MARCHF1: variants seen among roughly 807,000 people sequenced by gnomAD.
The protein encoded by MARCHF1 is membrane associated ring-CH-type finger 1.
A neutral mutation model predicts 54.2 loss-of-function variants in MARCHF1; 40 were observed. That is an observed-to-expected ratio of 0.74 (90% CI 0.57 to 0.96). The LOEUF is 0.96. Ranked by LOEUF, MARCHF1 falls within the 40% of genes least tolerant of loss-of-function variation. The probability of loss-of-function intolerance (pLI) is 0.00; values close to 1 mark genes in which losing one functional copy is unlikely to be tolerated. For missense variants in MARCHF1, 586 were observed against 656.5 expected, an observed-to-expected ratio of 0.89 and a Z score of 1.17; for synonymous variants, 236 against 236.3, an observed-to-expected ratio of 1.00 and a Z score of 0.01.
At chr4:163,742,430 CCTTTTCTTT>C (rs1200324474) in intron 4 of MARCHF1, among the ~76,000 whole-genome samples, 2 of 130,368 alleles carry the variant, frequency 1.5e-5, no homozygotes, top group African/African-American at 5.7e-5. Flanking sequence ...TTCCTTCCTT[CCTTTTCTTT>C]CTTTTCTCTT....
At chr4:164,187,677 T>C (rs779869663) in intron 1 of MARCHF1, among the ~76,000 whole-genome samples, 5 of 152,194 alleles carry the variant, frequency 3.3e-5, no homozygotes, top group Non-Finnish European at 7.3e-5. Context: ...GCTTGAGCAC[T>C]TGACAACACG....
At chr4:163,826,757 A>G (rs1224639870) in intron 4 of MARCHF1, among the ~76,000 whole-genome samples, 1 of 152,086 alleles carries the variant, frequency 6.6e-6, no homozygotes, top group East Asian at 1.9e-4. Flanking sequence ...TTGAAAGGGT[A>G]GAAGGTGACT....
intron 1 of MARCHF1, among the ~76,000 whole-genome samples, chr4:164,313,648 A>C (rs1734925625): frequency 2.6e-5 from 4 of 152,148 alleles, no homozygotes; most frequent in Admixed American, 2.6e-4. Flanking sequence ...AGTTTTAAAT[A>C]GTTACTAAAG....
intron 3 of MARCHF1, among the ~76,000 whole-genome samples, chr4:163,916,574 AT>A (rs1419791226): frequency 1.1e-4 from 17 of 152,090 alleles, no homozygotes; most frequent in Non-Finnish European, 1.8e-4. Context: ...AGTCACTGAA[AT>A]TATCTTCCTA....
Position 163,764,234 on chromosome 4 carries a change from C to T in MARCHF1, c.112-63371G>A, listed in dbSNP as rs149285139. ...TCAGTAACTTACAAATTTTGAAGAA[C>T]GAAGGAAAAAGAGGAAATTAGTATG... On this transcript the variant is annotated intron_variant, in intron 4 of 9. Coordinates refer to ENST00000514618, the MANE Select transcript of MARCHF1 (RefSeq NM_001394959.1). Among the ~76,000 whole-genome samples the T allele has an allele frequency of 1.4e-3, 205 of 151,740 alleles. 2 individuals carry two copies. The highest frequency in any genetic ancestry group is 0.011 in the Admixed American group (169 of 15,248).
chr4:163,786,070 C>A (rs192525645), intron 4 of MARCHF1, among the ~76,000 whole-genome samples: 1 of 151,924 alleles, frequency 6.6e-6, no homozygotes, highest in Admixed American at 6.6e-5. Context: ...TGAAAAAGGC[C>A]GGGAAATGAG....
At chr4:163,873,088 CAAAA>C (rs11445016) in intron 3 of MARCHF1, among the ~76,000 whole-genome samples, 1 of 150,532 alleles carries the variant, frequency 6.6e-6, no homozygotes, top group Non-Finnish European at 1.5e-5. Context: ...AACAAACAAA[CAAAA>C]AAAATGATGA....
intron 1 of MARCHF1, among the ~76,000 whole-genome samples, chr4:164,141,945 C>CACA (rs1756548971): frequency 6.6e-6 from 1 of 152,012 alleles, no homozygotes; most frequent in African/African-American, 2.4e-5. Flanking sequence ...AGACAGTGGG[C>CACA]GCAGGTCAGT....
At chr4:164,254,279 G>A (rs1004909286) in intron 1 of MARCHF1, among the ~76,000 whole-genome samples, 81 of 150,412 alleles carry the variant, frequency 5.4e-4, no homozygotes, top group African/African-American at 1.3e-3. Flanking sequence ...CTCTGTATTC[G>A]TCAGGTTTCT....
intron 5 of MARCHF1, among the ~76,000 whole-genome samples, chr4:163,617,554 GTTTT>G (rs372245338): frequency 1.3e-4 from 20 of 151,872 alleles, no homozygotes; most frequent in Non-Finnish European, 2.4e-4. Flanking sequence ...CTTCATTCAA[GTTTT>G]TTTAAGATCA....
At chr4:163,818,968 C>T (rs536737099) in intron 4 of MARCHF1, among the ~76,000 whole-genome samples, 8 of 152,090 alleles carry the variant, frequency 5.3e-5, no homozygotes, top group Non-Finnish European at 8.8e-5. Context: ...ACCAGGCTCA[C>T]GGTCTTCTTT....
At chr4:163,587,014 G>A (rs748921796) in intron 7 of MARCHF1, among the ~76,000 whole-genome samples, 66 of 152,124 alleles carry the variant, frequency 4.3e-4, no homozygotes, top group Non-Finnish European at 8.1e-4. Context: ...TAAAATTTGA[G>A]TACAGAAAAT....
At chr4:164,007,313 T>C (rs1462662910) in intron 2 of MARCHF1, among the ~76,000 whole-genome samples, 6 of 122,804 alleles carry the variant, frequency 4.9e-5, no homozygotes, top group Non-Finnish European at 7.8e-5. Flanking sequence ...GCTACTGCAC[T>C]CCAGCCTGGG....
intron 2 of MARCHF1, among the ~76,000 whole-genome samples, chr4:164,058,734 C>A (rs1376040235): frequency 2.0e-5 from 3 of 152,022 alleles, no homozygotes; most frequent in African/African-American, 7.3e-5. Flanking sequence ...AAATTGACAA[C>A]TTTCATGAGG....
chr4:164,005,462 T>C (rs578131110), intron 2 of MARCHF1, among the ~76,000 whole-genome samples: 1 of 152,114 alleles, frequency 6.6e-6, no homozygotes, highest in Non-Finnish European at 1.5e-5. Flanking sequence ...GGTAGGATAG[T>C]TGGACTTCCA....
intron 5 of MARCHF1, among the ~76,000 whole-genome samples, chr4:163,681,788 G>A (rs1220262994): frequency 6.6e-6 from 1 of 152,168 alleles, no homozygotes; most frequent in Non-Finnish European, 1.5e-5. Context: ...CTTCTTCATA[G>A]CAGTGTGAGA....
intron 1 of MARCHF1, among the ~76,000 whole-genome samples, chr4:164,340,405 T>TTTTATATC (rs1327005165): frequency 1.0e-5 from 1 of 95,650 alleles, no homozygotes; most frequent in Non-Finnish European, 2.2e-5. Flanking sequence ...AGGCCTTGAT[T>TTTTATATC]TATATATAGA....
Position 164,078,294 on chromosome 4 carries a change from C to T in MARCHF1, c.-248+33294G>A, listed in dbSNP as rs141491205. ...AACACAAGAACAGAAAACCAAACAC[C>T]GCATGTTCTCACTCATAAATGGGAG... is the stretch of plus-strand genomic sequence containing the variant. On this transcript the variant is annotated intron_variant, in intron 2 of 9. Transcript: ENST00000514618. 7.3e-3 allele frequency among the ~76,000 whole-genome samples: 1,112 copies of T among 152,112 alleles called. 4 individuals are homozygous for T. The highest frequency in any genetic ancestry group is 0.011 in the Non-Finnish European group (763 of 67,990).
intron 1 of MARCHF1, among the ~76,000 whole-genome samples, chr4:164,294,216 T>G (rs186611791): frequency 7.2e-5 from 11 of 152,360 alleles, no homozygotes; most frequent in African/African-American, 2.4e-4. Flanking sequence ...TTTGAGGTTT[T>G]GGGACTCGGA....
Sources: gnomAD v4.1 joint callset for allele counts (sites outside exome capture counted in the v4.1 genomes callset) on GRCh38, gnomAD v4.1.1 for gene constraint, MANE v1.5 for transcripts, NCBI Gene and HGNC (gene_info 2026-07-23, HGNC 2026-07-21) for gene names.